RIN3: variants seen among roughly 807,000 people sequenced by gnomAD.
RIN3 encodes the protein RAB5 interacting protein 3.
In RIN3, 54 loss-of-function variants were observed where a neutral mutation model predicts 76.3. The ratio of observed to expected loss-of-function variants is 0.71; its 90% CI spans 0.57 to 0.89. RIN3 has a LOEUF of 0.89. Ranked by LOEUF, RIN3 falls within the 40% of genes least tolerant of loss-of-function variation. The probability of loss-of-function intolerance (pLI) is 0.00; values close to 1 mark genes in which losing one functional copy is unlikely to be tolerated. For missense variants in RIN3, 1,256 were observed against 1,322.1 expected (o/e 0.95, Z 0.78); for synonymous variants, 576 against 564.0 (o/e 1.02, Z -0.30).
intron 6 of RIN3, among the ~76,000 whole-genome samples, chr14:92,658,697 A>T (rs1276313600): frequency 6.6e-6 from 1 of 152,126 alleles, no homozygotes; most frequent in Non-Finnish European, 1.5e-5. Context: ...AAGGTTCTGG[A>T]TGTACTGTAT....
chr14:92,604,586 C>G (rs530134925), intron 3 of RIN3, among the ~76,000 whole-genome samples: 1 of 152,098 alleles, frequency 6.6e-6, no homozygotes, highest in Non-Finnish European at 1.5e-5. Context: ...GGTGTCCAAG[C>G]CTTCCTTGTG....
chr14:92,663,950 T>C (rs1312266056), intron 7 of RIN3, among the ~76,000 whole-genome samples: 1 of 152,288 alleles, frequency 6.6e-6, no homozygotes, highest in East Asian at 1.9e-4. Context: ...ACTCTTTAAA[T>C]GGGGCTAGGA....
chr14:92,632,254 G>C (rs1387157475), intron 4 of RIN3, among the ~76,000 whole-genome samples: 1 of 149,578 alleles, frequency 6.7e-6, no homozygotes, highest in African/African-American at 2.5e-5. Context: ...GGTGTGTAGA[G>C]CTGGTAAAGC....
chr14:92,655,739 G>A (rs1434888328), intron 6 of RIN3, among the ~76,000 whole-genome samples: 1 of 152,262 alleles, frequency 6.6e-6, no homozygotes, highest in Non-Finnish European at 1.5e-5. Context: ...TTGTGAAGCT[G>A]GAGCCACAGG....
chr14:92,678,660 ATCCACCCG>A (rs1344619121), intron 8 of RIN3, among the ~76,000 whole-genome samples: 1 of 151,184 alleles, frequency 6.6e-6, no homozygotes, highest in Non-Finnish European at 1.5e-5. Context: ...CCATCCATCC[ATCCACCCG>A]TCCACCCATC....
At chr14:92,584,004 C>A (rs1040110499) in intron 3 of RIN3, among the ~76,000 whole-genome samples, 8 of 152,198 alleles carry the variant, frequency 5.3e-5, no homozygotes, top group East Asian at 1.9e-4. Context: ...ATGCTTACCC[C>A]CTGCTGTGCG....
At chr14:92,674,448 C>T (rs549337809) in intron 7 of RIN3, among the ~76,000 whole-genome samples, 1 of 152,184 alleles carries the variant, frequency 6.6e-6, no homozygotes, top group Non-Finnish European at 1.5e-5. Context: ...TATACACATA[C>T]AAAAATTAGC....
chr14:92,556,233 C>T (rs924490190), intron 2 of RIN3, among the ~76,000 whole-genome samples: 1 of 151,982 alleles, frequency 6.6e-6, no homozygotes, highest in African/African-American at 2.4e-5. Context: ...ATTTGGGCAC[C>T]TGAGAGGCAG....
intron 2 of RIN3, among the ~76,000 whole-genome samples, chr14:92,574,947 C>A (rs1341392550): frequency 2.6e-5 from 4 of 152,054 alleles, no homozygotes; most frequent in Non-Finnish European, 5.9e-5. Flanking sequence ...CACCTACAAC[C>A]CTGTGATCCT....
intron 3 of RIN3, among the ~76,000 whole-genome samples, chr14:92,600,318 C>T (rs185588174): frequency 6.6e-5 from 10 of 152,286 alleles, no homozygotes; most frequent in East Asian, 3.9e-4. Context: ...TGCCCTAACA[C>T]GCACCCTCTT....
At chr14:92,611,564 C>T (rs1294028902) in intron 3 of RIN3, among the ~76,000 whole-genome samples, 1 of 152,158 alleles carries the variant, frequency 6.6e-6, no homozygotes, top group Non-Finnish European at 1.5e-5. Flanking sequence ...ATCACATGGC[C>T]TTCTTATGAG....
At chr14:92,540,382 G>T (rs1298495738) in intron 1 of RIN3, among the ~76,000 whole-genome samples, 1 of 152,204 alleles carries the variant, frequency 6.6e-6, no homozygotes, top group Admixed American at 6.5e-5. Context: ...CAAGGGAGGA[G>T]AAACCCAGGG....
At chr14:92,561,200 G>A (rs1447917549) in intron 2 of RIN3, among the ~76,000 whole-genome samples, 1 of 146,874 alleles carries the variant, frequency 6.8e-6, no homozygotes, top group African/African-American at 2.5e-5. Flanking sequence ...TCCCCAGGCT[G>A]TGGGAACTCA....
At chr14:92,650,329 T>G (rs1327974592) in intron 5 of RIN3, among the ~76,000 whole-genome samples, 1 of 152,252 alleles carries the variant, frequency 6.6e-6, no homozygotes, top group Non-Finnish European at 1.5e-5. Flanking sequence ...TTCATGTTTC[T>G]GAGCCTCTTA....
rs1887277663 is a variant in RIN3, at chr14:92,648,324, C to CT, written c.533-3258_533-3257insT. 6.6e-6 allele frequency among the ~76,000 whole-genome samples: 1 copy of CT among 152,168 alleles called. No homozygotes were observed. Among genetic ancestry groups the CT allele is most frequent in the Admixed American group, 6.5e-5 (1 of 15,284 alleles). On this transcript the variant is annotated intron_variant, in intron 5 of 9. Transcript: ENST00000216487. This position sits in a 1 kb window ranked among gnomAD's most constrained non-coding sequence, Gnocchi z 4.1. ...GGCCGAGAGCCTATTTGCCTGAACC[C>CT]GTGTCTGCTCTGTTCCTGCCAAAAT...
chr14:92,649,932 C>G (rs1404336464), intron 5 of RIN3, among the ~76,000 whole-genome samples: 1 of 152,204 alleles, frequency 6.6e-6, no homozygotes, highest in African/African-American at 2.4e-5. Context: ...CACTTCCGGT[C>G]TGTTTCTTCA....
intron 5 of RIN3, among the ~76,000 whole-genome samples, chr14:92,651,199 G>GGCCTTCCGTCCCCTGTGCTCTCACCAT: frequency 6.6e-6 from 1 of 152,230 alleles, no homozygotes; most frequent in East Asian, 1.9e-4. Flanking sequence ...AGGAATTCCA[G>GGCCTTCCGTCCCCTGTGCTCTCACCAT]GCCTTCCGTC....
intron 4 of RIN3, among the ~76,000 whole-genome samples, chr14:92,621,803 C>T (rs1886193565): frequency 6.6e-6 from 1 of 152,130 alleles, no homozygotes; most frequent in South Asian, 2.1e-4. Context: ...AGTGTACATA[C>T]AAATAAACAC....
intron 4 of RIN3, among the ~76,000 whole-genome samples, chr14:92,619,289 T>C (rs767878126): frequency 6.6e-6 from 1 of 152,162 alleles, no homozygotes; most frequent in Non-Finnish European, 1.5e-5. Context: ...GATTTTGGAA[T>C]TCCAGAGTAC....
Sources: allele counts gnomAD v4.1 joint callset (sites outside exome capture counted in the v4.1 genomes callset), GRCh38; gene constraint gnomAD v4.1.1; non-coding constraint Gnocchi (gnomAD v3.1); transcripts MANE v1.5; gene names NCBI Gene and HGNC (gene_info 2026-07-23, HGNC 2026-07-21).